AK5: variants seen among roughly 807,000 people sequenced by gnomAD.
AK5 encodes adenylate kinase 5.
In AK5, 27 loss-of-function variants were observed where a neutral mutation model predicts 69.5. The ratio of observed to expected loss-of-function variants is 0.39; its 90% CI spans 0.29 to 0.54. AK5 has a LOEUF of 0.54. AK5 is among the 20% of genes least tolerant of loss of function. The pLI, the probability that AK5 is intolerant of heterozygous loss-of-function variation, is 0.71. For synonymous variants in AK5, 260 were observed against 244.4 expected (o/e 1.06, Z -0.60); for missense variants, 531 against 700.4 (o/e 0.76, Z 2.73).
chr1:77,311,406 G>T (rs1481611101), intron 5 of AK5, among the ~76,000 whole-genome samples: 2 of 152,072 alleles, frequency 1.3e-5, no homozygotes, highest in East Asian at 3.8e-4. Flanking sequence ...ATAGTAGTTT[G>T]ACTCTCATTC....
At chr1:77,461,590 T>G (rs1653846129) in intron 8 of AK5, among the ~76,000 whole-genome samples, 1 of 151,400 alleles carries the variant, frequency 6.6e-6, no homozygotes, top group South Asian at 2.1e-4. Flanking sequence ...GCCAACATGG[T>G]GAAATCCCGT....
intron 12 of AK5, among the ~76,000 whole-genome samples, chr1:77,522,616 C>G (rs1453178468): frequency 6.6e-6 from 1 of 152,128 alleles, no homozygotes; most frequent in Non-Finnish European, 1.5e-5. Context: ...CCTGCCCACC[C>G]TCTCCTAGTG....
In AK5 at chr1:77,282,389, G is replaced by A. The variant is rs1223065288; in HGVS notation, c.60+16G>A. The A allele has an allele frequency of 2.6e-6, 4 of 1,539,990 alleles. No individual in the cohort carries two copies. Among genetic ancestry groups the A allele is most frequent in the South Asian group, 1.2e-5 (1 of 81,372 alleles). ...GCTTTTTGAGGTAGGGCTAGAGCTG[G>A]CCGACGGGCGGTAGCATCCGGGGAC... is the stretch of plus-strand genomic sequence containing the variant. On this transcript the variant is annotated intron_variant, in intron 1 of 13. Transcript: ENST00000354567.
intron 8 of AK5, among the ~76,000 whole-genome samples, chr1:77,425,344 G>A (rs1460204276): frequency 2.0e-5 from 3 of 152,126 alleles, no homozygotes; most frequent in Non-Finnish European, 2.9e-5. Context: ...CCAGCACTTT[G>A]GGAGGCCAAG....
intron 10 of AK5, among the ~76,000 whole-genome samples, chr1:77,497,293 C>T (rs1228960706): frequency 6.6e-6 from 1 of 152,114 alleles, no homozygotes; most frequent in Non-Finnish European, 1.5e-5. Flanking sequence ...CTGGATGTGC[C>T]ACCTTTAAGA....
chr1:77,475,481 ATT>A, intron 8 of AK5, among the ~76,000 whole-genome samples: 1 of 47,430 alleles, frequency 2.1e-5, no homozygotes, highest in East Asian at 6.2e-4. Flanking sequence ...ATGTATATAT[ATT>A]ATATATATAC....
At chr1:77,495,685 G>A (rs138931185) in intron 10 of AK5, among the ~76,000 whole-genome samples, 9 of 152,316 alleles carry the variant, frequency 5.9e-5, no homozygotes, top group Admixed American at 1.3e-4. Flanking sequence ...ATCAGCAAGT[G>A]TTTGAGCGTG....
intron 5 of AK5, among the ~76,000 whole-genome samples, chr1:77,320,940 G>T (rs1324364512): frequency 6.6e-6 from 1 of 152,104 alleles, no homozygotes; most frequent in African/African-American, 2.4e-5. Context: ...CAATATCCAT[G>T]ACTCAAAAAT....
intron 8 of AK5, among the ~76,000 whole-genome samples, chr1:77,470,850 TATATATATATATATATA>T (rs1370875350): frequency 0.14 from 2,076 of 14,822 alleles, 232 homozygotes; most frequent in Non-Finnish European, 0.17. Context: ...TATATATATA[TATATATATATATATATA>T]TATATATATT....
chr1:77,298,951 G>A (rs1372941736), intron 5 of AK5, among the ~76,000 whole-genome samples: 1 of 152,168 alleles, frequency 6.6e-6, no homozygotes, highest in African/African-American at 2.4e-5. Context: ...CCTTTCCTGA[G>A]AAATAGGAGT....
intron 10 of AK5, among the ~76,000 whole-genome samples, chr1:77,496,397 C>T (rs1285026950): frequency 6.6e-6 from 1 of 152,170 alleles, no homozygotes; most frequent in Admixed American, 6.5e-5. Flanking sequence ...GGCTTTTACT[C>T]AGTGACACAT....
chr1:77,447,852 C>G (rs1652848177), intron 8 of AK5, among the ~76,000 whole-genome samples: 1 of 152,152 alleles, frequency 6.6e-6, no homozygotes, highest in African/African-American at 2.4e-5. Flanking sequence ...ATGCAAAAAC[C>G]TGGAAACCCA....
chr1:77,388,567 T>G (rs1452535796), intron 6 of AK5, among the ~76,000 whole-genome samples: 1 of 151,074 alleles, frequency 6.6e-6, no homozygotes, highest in African/African-American at 2.4e-5. Flanking sequence ...TTTTGGTTGT[T>G]TTGTTGTTGT....
chr1:77,417,735 A>G lies in AK5; in HGVS notation c.1059+20A>G, dbSNP rs1227669823. The G allele has an allele frequency of 2.8e-6, 4 of 1,445,692 alleles. No individual in the cohort carries two copies. Among genetic ancestry groups the G allele is most frequent in the Non-Finnish European group, 3.9e-6 (4 of 1,036,788 alleles). The allele number at this position is 1,445,692 out of a possible 1,614,324, so 89.6% of individuals were successfully genotyped here. A position where few individuals can be genotyped will look rare whatever the true frequency, so the allele number is the denominator to read the frequency against. ...GATCAGGTAATTAAAATCTGAAAAT[A>G]GTTCTCTATTTAAATGTTTTTAAGT... On this transcript the variant is annotated intron_variant, in intron 8 of 13. Transcript: ENST00000354567.
rs1647711752 is a variant in AK5 at position 77,382,444 on chromosome 1, A to G, written c.892-28537A>G. On this transcript the variant is annotated intron_variant, in intron 6 of 13. Coordinates refer to ENST00000354567, the MANE Select transcript of AK5 (RefSeq NM_174858.3). ...CAGCTCACTGCAACCTCAAACTTCC[A>G]GGCTCAAATAATCCTCCCATCTCAG... 2.0e-5 allele frequency among the ~76,000 whole-genome samples: 3 copies of G among 152,238 alleles called. No homozygotes were observed. In the South Asian group the frequency reaches 6.2e-4, roughly 32 times the overall value.
intron 6 of AK5, among the ~76,000 whole-genome samples, chr1:77,400,494 C>T (rs1379771735): frequency 6.6e-6 from 1 of 152,108 alleles, no homozygotes; most frequent in African/African-American, 2.4e-5. Flanking sequence ...AGTAGTTGTT[C>T]AGTAAATGGC....
chr1:77,417,921 A>G, intron 8 of AK5: 5 of 438,052 alleles, frequency 1.1e-5, no homozygotes, highest in Admixed American at 4.1e-5. Context: ...AAGATTCAAA[A>G]CACAGTGAAT....
chr1:77,314,132 A>G (rs1660114620), intron 5 of AK5: 1 of 324,206 alleles, frequency 3.1e-6, no homozygotes, highest in African/African-American at 2.2e-5. Flanking sequence ...AAACAATCTT[A>G]TGATATGAAT....
At chr1:77,550,405 G>T (rs940376123) in intron 13 of AK5, among the ~76,000 whole-genome samples, 1 of 152,108 alleles carries the variant, frequency 6.6e-6, no homozygotes, top group Non-Finnish European at 1.5e-5. Context: ...ATAAAAGAGG[G>T]TTACTATAAA....
Sources: gnomAD v4.1 joint callset for allele counts (sites outside exome capture counted in the v4.1 genomes callset) on GRCh38, gnomAD v4.1.1 for gene constraint, MANE v1.5 for transcripts, NCBI Gene and HGNC (gene_info 2026-07-23, HGNC 2026-07-21) for gene names.